DOK6: variants seen among roughly 807,000 people sequenced by gnomAD.
DOK6 encodes downstream of tyrosine kinase 6.
A neutral mutation model predicts 44.0 loss-of-function variants in DOK6; 22 were observed. That is an observed-to-expected ratio of 0.50 (90% CI 0.36 to 0.71). The LOEUF (loss-of-function observed/expected upper bound fraction) is 0.71. DOK6 is among the 30% of genes least tolerant of loss of function. DOK6 has a pLI of 0.00. For missense variants in DOK6, 340 were observed against 416.4 expected, an observed-to-expected ratio of 0.82 and a Z score of 1.60; for synonymous variants, 166 against 145.5, an observed-to-expected ratio of 1.14 and a Z score of -1.01.
intron 7 of DOK6, among the ~76,000 whole-genome samples, chr18:69,838,449 AT>A (rs1332570757): frequency 6.6e-6 from 1 of 152,140 alleles, no homozygotes; most frequent in East Asian, 1.9e-4. Flanking sequence ...TTGTCATTTC[AT>A]CATGCCAAAA....
At chr18:69,449,386 GTAAA>G (rs1200735946) in intron 1 of DOK6, among the ~76,000 whole-genome samples, 1 of 152,158 alleles carries the variant, frequency 6.6e-6, no homozygotes, top group Non-Finnish European at 1.5e-5. Context: ...ACATAAATCT[GTAAA>G]TAAGACCAAA....
rs1161989351 is a variant in DOK6 at position 69,712,302 on chromosome 18, AAAAAAAAAAAAAAAAAAAAAAAAAT to A, written c.599+13710_599+13734del. 5.9e-3 allele frequency among the ~76,000 whole-genome samples: 754 copies of A among 128,108 alleles called. 38 individuals carry two copies. Among genetic ancestry groups the A allele is most frequent in the African/African-American group, 0.019 (668 of 35,016 alleles). The allele number at this position is 128,108 out of a possible 152,430, so 84.0% of individuals were successfully genotyped here. ...TCTCAAAAAAAAAAAAAAAAAAAAA[AAAAAAAAAAAAAAAAAAAAAAAAAT>A]TTAACCTTTTCCGAATCACATTTGT... On this transcript the variant is annotated intron_variant, in intron 5 of 7. Transcript: ENST00000382713.
intron 3 of DOK6, among the ~76,000 whole-genome samples, chr18:69,673,555 T>C (rs1042256476): frequency 3.9e-5 from 6 of 152,230 alleles, no homozygotes; most frequent in Admixed American, 2.0e-4. Context: ...TTTGACTGAA[T>C]TGGCTTTGGA....
At chr18:69,676,442 G>A (rs1599257617) in intron 3 of DOK6, among the ~76,000 whole-genome samples, 1 of 152,132 alleles carries the variant, frequency 6.6e-6, no homozygotes, top group Non-Finnish European at 1.5e-5. Context: ...CCCAGTGTTG[G>A]TATTTAGATC....
intron 1 of DOK6, among the ~76,000 whole-genome samples, chr18:69,546,699 T>C (rs1982415090): frequency 6.6e-6 from 1 of 151,616 alleles, no homozygotes; most frequent in African/African-American, 2.4e-5. Flanking sequence ...TTGCATATTC[T>C]TGGGGTACCT....
At chr18:69,661,778 T>A (rs950536653) in intron 3 of DOK6, 3 of 152,216 alleles carry the variant, frequency 2.0e-5, no homozygotes, top group Non-Finnish European at 4.4e-5. Flanking sequence ...ACAGTTGCAA[T>A]GTGAAGGAAA....
At chr18:69,688,604 C>A (rs1986201107) in intron 4 of DOK6, among the ~76,000 whole-genome samples, 1 of 152,134 alleles carries the variant, frequency 6.6e-6, no homozygotes, top group African/African-American at 2.4e-5. Context: ...CTCACTGCAA[C>A]CTCCGCCTCC....
rs1189962271 is a variant in DOK6 at position 69,846,633 on chromosome 18, G to A, written c.*5250G>A. ...TGAAATTCAATCTTATCCTAAAGTG[G>A]TAGTCAAAGTAAAACACATTAAGTA... is the stretch of plus-strand genomic sequence containing the variant. On this transcript the variant is annotated 3_prime_UTR_variant, in exon 8 of 8. Transcript: ENST00000382713. The A allele has an allele frequency of 1.3e-5, 2 of 152,102 alleles. No homozygotes were observed. The highest frequency in any genetic ancestry group is 4.8e-5 in the African/African-American group (2 of 41,406). The allele number at this position is 152,102 out of a possible 1,614,324, so 9.4% of individuals were successfully genotyped here.
At chr18:69,827,444 G>T (rs1981773642) in intron 7 of DOK6, among the ~76,000 whole-genome samples, 2 of 152,014 alleles carry the variant, frequency 1.3e-5, no homozygotes, top group African/African-American at 4.8e-5. Flanking sequence ...CCAGATCTCT[G>T]AAAAATTAAT....
intron 1 of DOK6, among the ~76,000 whole-genome samples, chr18:69,562,233 G>A (rs534116045): frequency 2.0e-4 from 30 of 152,098 alleles, no homozygotes; most frequent in African/African-American, 7.0e-4. Flanking sequence ...TAAAATAAAG[G>A]CAAGGTTCAG....
chr18:69,491,809 T>C (rs937489034), intron 1 of DOK6, among the ~76,000 whole-genome samples: 1 of 152,356 alleles, frequency 6.6e-6, no homozygotes, highest in African/African-American at 2.4e-5. Context: ...CCCAGGAATG[T>C]TTCTGAACAT....
chr18:69,590,609 G>T (rs986602119), intron 2 of DOK6, among the ~76,000 whole-genome samples: 4 of 152,150 alleles, frequency 2.6e-5, no homozygotes, highest in Non-Finnish European at 4.4e-5. Flanking sequence ...TCTAGTTCTT[G>T]CTAAAGACTG....
chr18:69,567,328 AT>A, intron 2 of DOK6, among the ~76,000 whole-genome samples: 2 of 152,308 alleles, frequency 1.3e-5, no homozygotes, highest in South Asian at 4.1e-4. Context: ...TTTTAAAAAA[AT>A]AGGATAATAC....
At chr18:69,447,760 C>A (rs1052550227) in intron 1 of DOK6, among the ~76,000 whole-genome samples, 1 of 152,098 alleles carries the variant, frequency 6.6e-6, no homozygotes, top group Non-Finnish European at 1.5e-5. Context: ...ATGTGTATAG[C>A]CCTGGGCATG....
At chr18:69,659,261 T>C (rs1330186183) in intron 3 of DOK6, among the ~76,000 whole-genome samples, 1 of 152,222 alleles carries the variant, frequency 6.6e-6, no homozygotes, top group Non-Finnish European at 1.5e-5. Context: ...TGGCCTTTCA[T>C]ATTACATAAA....
chr18:69,578,448 T>C (rs1329410081), intron 2 of DOK6, among the ~76,000 whole-genome samples: 2 of 151,460 alleles, frequency 1.3e-5, no homozygotes, highest in Non-Finnish European at 2.9e-5. Context: ...TTTAGAAAGT[T>C]TTTGAGAGAA....
intron 7 of DOK6, among the ~76,000 whole-genome samples, chr18:69,779,045 A>G (rs1490752995): frequency 6.6e-6 from 1 of 152,180 alleles, no homozygotes; most frequent in African/African-American, 2.4e-5. Context: ...TATACAAAAT[A>G]CAAAAAAAGC....
chr18:69,575,829 G>A (rs1279955431), intron 2 of DOK6, among the ~76,000 whole-genome samples: 3 of 151,932 alleles, frequency 2.0e-5, no homozygotes, highest in African/African-American at 7.2e-5. Flanking sequence ...CACATTATTG[G>A]AGGCCATGGG....
chr18:69,550,068 ACATAGC>A (rs1213845011), intron 1 of DOK6, among the ~76,000 whole-genome samples: 1 of 151,298 alleles, frequency 6.6e-6, no homozygotes, highest in African/African-American at 2.4e-5. Context: ...GAATATTAGA[ACATAGC>A]CAATCCAAAA....
Sources: gnomAD v4.1 joint callset for allele counts (sites outside exome capture counted in the v4.1 genomes callset) on GRCh38, gnomAD v4.1.1 for gene constraint, MANE v1.5 for transcripts, NCBI Gene and HGNC (gene_info 2026-07-23, HGNC 2026-07-21) for gene names.